The following ETNK2 variants were observed in gnomAD, a reference collection of about 807,000 sequenced individuals.
ETNK2 encodes the protein ethanolamine kinase-like protein.
A neutral mutation model predicts 46.2 loss-of-function variants in ETNK2; 33 were observed. That is an observed-to-expected ratio of 0.71 (90% confidence interval 0.54 to 0.96). The LOEUF (loss-of-function observed/expected upper bound fraction) is 0.96. Ranked by LOEUF, ETNK2 falls within the 40% of genes least tolerant of loss-of-function variation. The probability of loss-of-function intolerance (pLI) is 0.00; values close to 1 mark genes in which losing one functional copy is unlikely to be tolerated. For synonymous variants in ETNK2, 194 were observed against 209.0 expected, an observed-to-expected ratio of 0.93 and a Z score of 0.62; for missense variants, 445 against 509.7, an observed-to-expected ratio of 0.87 and a Z score of 1.22.
intron 5 of ETNK2, 71 bp from the exon 6 acceptor site, chr1:204,137,320 G>A: frequency 1.3e-6 from 2 of 1,541,602 alleles, no homozygotes; most frequent in Non-Finnish European, 1.8e-6. Flanking sequence ...AGCTCAGTAG[G>A]TGTTCCCATC....
rs779395017 is a variant in ETNK2, at chr1:204,151,717, G to A, written c.136C>T (p.Pro46Ser). Residue 46 changes from proline (P) to serine (S), a missense_variant, in exon 1 of 8, where the codon CCG becomes TCG. Pro to Ser is a moderately conservative substitution (Grantham distance 74). Transcript: ENST00000367202. This position sits in a 1 kb window ranked among gnomAD's most constrained non-coding sequence, Gnocchi z 8.0. The stretch of plus-strand genomic sequence containing the variant: ...AAGTACGCGACGGCGGCGGCCCTCG[G>A]GGGGCCCGGCGGCTCCCGGCAGCTG... ...SASCREPPGPPRAAAVAYFGI... is the reference protein window; with the variant it reads ...SASCREPPGPSRAAAVAYFGI... 257 of 1,542,610 alleles carry A rather than the reference G, an allele frequency of 1.7e-4. No homozygotes were observed. Among genetic ancestry groups the A allele is most frequent in the Middle Eastern group, 5.0e-4 (3 of 5,952 alleles).
intron 7 of ETNK2, among the ~76,000 whole-genome samples, chr1:204,133,468 TCAC>T (rs931002598): frequency 1.3e-5 from 2 of 151,602 alleles, no homozygotes; most frequent in African/African-American, 4.8e-5. Context: ...AAGCGACATC[TCAC>T]CATGCTTTGC....
Position 204,149,955 on chromosome 1 carries a change from G to C in ETNK2, c.266C>G (p.Thr89Arg), listed in dbSNP as rs760338329. The C allele has an allele frequency of 7.3e-7, 1 of 1,379,072 alleles. No individual in the cohort carries two copies. The highest frequency in any genetic ancestry group is 9.7e-7 in the Non-Finnish European group (1 of 1,036,216). The allele number at this position is 1,379,072 out of a possible 1,614,324, so 85.4% of individuals were successfully genotyped here. ...KPEQVRTKRF[T>R]DGITNKLVAC... The stretch of plus-strand genomic sequence containing the variant: ...CACCAGCTTGTTGGTGATGCCATCC[G>C]TGAAGCGCTAGCATGGGGAGAGGAC... Residue 89 changes from threonine (T) to arginine (R), a missense_variant, in exon 2 of 8, where the codon ACG (threonine) becomes AGG (arginine). Coordinates refer to ENST00000367202, the MANE Select transcript of ETNK2 (RefSeq NM_018208.4).
chr1:204,141,529 A>T, intron 3 of ETNK2, 72 bp from the exon 4 acceptor site: 1 of 1,500,090 alleles, frequency 6.7e-7, no homozygotes, highest in Non-Finnish European at 9.0e-7. Context: ...AAGAGCCCTG[A>T]ATCTGAGCCT....
intron 6 of ETNK2, 91 bp downstream of exon 6, chr1:204,137,013 C>A: frequency 6.5e-7 from 1 of 1,533,286 alleles, no homozygotes; most frequent in Non-Finnish European, 8.9e-7. Flanking sequence ...TCTCACCTGA[C>A]CCTGGGCTCT....
chr1:204,133,681 G>A (rs984312236), intron 7 of ETNK2, among the ~76,000 whole-genome samples: 11 of 151,770 alleles, frequency 7.2e-5, no homozygotes, highest in South Asian at 4.2e-4. Flanking sequence ...ACAGGCGCCC[G>A]CCACCACGCC....
rs1359121147 is a variant in ETNK2, at chr1:204,132,111, C to T, written c.*73G>A. ...CCCACCCTGTCCAAGGGTGTGGATC[C>T]CAGAGTGCAGAATTGAGCTCTGGAG... On this transcript the variant is annotated 3_prime_UTR_variant, in exon 8 of 8. Transcript: ENST00000367202. 4 of 1,232,512 alleles carry T rather than the reference C, an allele frequency of 3.2e-6. No individual in the cohort carries two copies. Among genetic ancestry groups the T allele is most frequent in the Non-Finnish European group, 4.7e-6 (4 of 857,578 alleles). The allele number at this position is 1,232,512 out of a possible 1,614,324, so 76.3% of individuals were successfully genotyped here. A position where few individuals can be genotyped will look rare whatever the true frequency, so the allele number is the denominator to read the frequency against.
chr1:204,152,012 C>T lies in ETNK2; in HGVS notation c.-160G>A. 1 of 746,958 alleles carries T rather than the reference C, an allele frequency of 1.3e-6. No homozygotes were observed. The highest frequency in any genetic ancestry group is 1.8e-6 in the Non-Finnish European group (1 of 545,024). The allele number at this position is 746,958 out of a possible 1,614,324, so 46.3% of individuals were successfully genotyped here. On this transcript the variant is annotated 5_prime_UTR_variant, in exon 1 of 8. Coordinates refer to ENST00000367202, the MANE Select transcript of ETNK2 (RefSeq NM_018208.4). The surrounding 1 kb of genome is among the most constrained non-coding windows in gnomAD (Gnocchi z 4.2). ...CGGCTCGCGGCCCGCCGCCCACCGC[C>T]GACCCCGGAGCGCCGCGGCCCGCCG...
chr1:204,151,599 G>C lies in ETNK2; in HGVS notation c.254C>G (p.Thr85Ser). Residue 85 changes from threonine to serine, a missense_variant, in exon 1 of 8, where the codon ACC becomes AGC. Coordinates refer to ENST00000367202, the MANE Select transcript of ETNK2 (RefSeq NM_018208.4). This position sits in a 1 kb window ranked among gnomAD's most constrained non-coding sequence, Gnocchi z 8.0. ...RPHWKPEQVR[T>S]KRFTDGITNK... ...GCCCCGCGCCCACTCCGCTACCTTGGTCCGAACTTGCTCGGGTTTCCAATG... is the reference window on the plus strand; with the variant it reads ...GCCCCGCGCCCACTCCGCTACCTTGCTCCGAACTTGCTCGGGTTTCCAATG... The C allele has an allele frequency of 2.6e-6, 4 of 1,548,722 alleles. No homozygotes were observed. The highest frequency in any genetic ancestry group is 3.5e-6 in the Non-Finnish European group (4 of 1,146,052).
intron 5 of ETNK2, chr1:204,138,775 C>T (rs1222030498): frequency 6.6e-6 from 1 of 152,284 alleles, no homozygotes; most frequent in Non-Finnish European, 1.5e-5. Flanking sequence ...GCCCCAGTGT[C>T]CAGCTCCGTC....
intron 6 of ETNK2, 128 bp from the exon 7 acceptor site, chr1:204,134,716 C>G: frequency 6.3e-7 from 1 of 1,580,950 alleles, no homozygotes; most frequent in Non-Finnish European, 8.6e-7. Context: ...GTGGTGGGGT[C>G]TCCCTAGCAC....
Position 204,146,718 on chromosome 1 carries a change from C to T in ETNK2, c.565G>A (p.Gly189Ser), listed in dbSNP as rs763265470. ...MAKIHTIHAN[G>S]SLPKPILWHK... ...CAGAGGATGGGCTTGGGCAGGCTGC[C>T]GTTGGCGTGGATAGTATGAATCTTT... is the stretch of plus-strand genomic sequence containing the variant. The change falls in exon 3 of 8, where the codon GGC (glycine) becomes AGC (serine). Residue 189 changes from glycine to serine, a missense_variant. Physicochemically the swap from Gly to Ser is moderately conservative, Grantham distance 56. Coordinates refer to ENST00000367202, the MANE Select transcript of ETNK2 (RefSeq NM_018208.4). The T allele has an allele frequency of 2.5e-6, 4 of 1,614,016 alleles. No homozygotes were observed. Among genetic ancestry groups the T allele is most frequent in the South Asian group, 2.2e-5 (2 of 91,082 alleles).
rs895765014 is a variant in ETNK2, at chr1:204,134,462, C to T, written c.1088+53G>A. ...GGCTGTCCTTTGCCCACACCCTGGG[C>T]TCAACCAAGGCTCTCCCTTTTCTCC... On this transcript the variant is annotated intron_variant, in intron 7 of 7. Coordinates refer to ENST00000367202, the MANE Select transcript of ETNK2 (RefSeq NM_018208.4). 6 of 1,591,812 alleles carry T rather than the reference C, an allele frequency of 3.8e-6. No homozygotes were observed. In the East Asian group the frequency reaches 6.8e-5, roughly 18 times the overall value.
At chr1:204,139,269 G>A (rs901950461) in intron 5 of ETNK2, among the ~76,000 whole-genome samples, 3 of 152,192 alleles carry the variant, frequency 2.0e-5, no homozygotes, top group Non-Finnish European at 2.9e-5. Flanking sequence ...AGGCCCTCAT[G>A]TACAATTGCG....
At chr1:204,141,168 C>A in intron 4 of ETNK2, 147 bp downstream of exon 4, 1 of 979,286 alleles carries the variant, frequency 1.0e-6, no homozygotes, top group South Asian at 1.4e-5. Flanking sequence ...TATTTCCTTT[C>A]CCCCTTCCCT....
rs114804741 is a variant in ETNK2, at chr1:204,147,761, G to A, written c.519-997C>T. 9.6e-3 allele frequency among the ~76,000 whole-genome samples: 1,456 copies of A among 152,320 alleles called. 24 individuals carry two copies. The highest frequency in any genetic ancestry group is 0.032 in the African/African-American group (1,317 of 41,564). On this transcript the variant is annotated intron_variant, in intron 2 of 7. Coordinates refer to ENST00000367202, the MANE Select transcript of ETNK2 (RefSeq NM_018208.4). Reference sequence around the variant, plus strand: ...GGCCATACCCTACTGGGATAACAGAGCAGTTTTGGGGTTCCTCTGGAAGCC... The same window carrying A: ...GGCCATACCCTACTGGGATAACAGAACAGTTTTGGGGTTCCTCTGGAAGCC...
chr1:204,150,938 G>A (rs1468609780), intron 1 of ETNK2: 1 of 152,772 alleles, frequency 6.5e-6, no homozygotes, highest in Non-Finnish European at 1.5e-5. Context: ...GCCCACAGCG[G>A]GGCTGGAGGT....
chr1:204,141,954 C>T (rs558810366), intron 3 of ETNK2: 1 of 161,192 alleles, frequency 6.2e-6, no homozygotes, highest in Non-Finnish European at 1.4e-5. Context: ...AGATCCTCCC[C>T]AGGAGGAAGA....
chr1:204,144,133 C>A (rs1657675533), intron 3 of ETNK2, among the ~76,000 whole-genome samples: 1 of 151,942 alleles, frequency 6.6e-6, no homozygotes, highest in East Asian at 1.9e-4. Flanking sequence ...TCACTTGAGG[C>A]CAGGAGTTCA....
Sources: gnomAD v4.1 joint callset for allele counts (sites outside exome capture counted in the v4.1 genomes callset) on GRCh38, gnomAD v4.1.1 for gene constraint, Gnocchi (gnomAD v3.1) non-coding constraint, MANE v1.5 for transcripts, NCBI Gene and HGNC (gene_info 2026-07-23, HGNC 2026-07-21) for gene names.